Variants in VPS4A observed in about 807,000 individuals in gnomAD.
The protein encoded by VPS4A is vacuolar protein sorting-associated protein 4A.
VPS4A carries 20 observed loss-of-function variants against 52.3 expected under a neutral mutation model. That is an observed-to-expected ratio of 0.38 (90% CI 0.27 to 0.56). The LOEUF is 0.56. VPS4A is among the 20% of genes least tolerant of loss of function. The probability of loss-of-function intolerance (pLI) is 0.72; values close to 1 mark genes in which losing one functional copy is unlikely to be tolerated. For synonymous variants in VPS4A, 293 were observed against 227.7 expected (o/e 1.29, Z -2.58); for missense variants, 419 against 575.9 (o/e 0.73, Z 2.79).
chr16:69,319,062 C>T, intron 5 of VPS4A, 120 bp downstream of exon 5: 2 of 1,422,976 alleles, frequency 1.4e-6, no homozygotes, highest in South Asian at 2.7e-5. Flanking sequence ...AGGGCCAGGC[C>T]TGGCTGCTCG....
rs139537683 is a variant in VPS4A, at chr16:69,316,544, C to T, written c.281+172C>T. 3.9e-5 allele frequency among the ~76,000 whole-genome samples: 6 copies of T among 152,228 alleles called. No individual in the cohort carries two copies. The East Asian group carries it at 9.7e-4, about 25-fold the overall frequency. Reference sequence around the variant, plus strand: ...TGGCCTGGAGCACTTCCATGTTCACCGTCTCATTGGATCTGACCCACAAGC... The same window carrying T: ...TGGCCTGGAGCACTTCCATGTTCACTGTCTCATTGGATCTGACCCACAAGC... On this transcript the variant is annotated intron_variant, in intron 3 of 10. Transcript: ENST00000254950.
At chr16:69,318,187 G>C (rs1965462541) in intron 3 of VPS4A, among the ~76,000 whole-genome samples, 1 of 152,090 alleles carries the variant, frequency 6.6e-6, no homozygotes, top group East Asian at 1.9e-4. Context: ...TTCCCAGGCT[G>C]GTCTCAAACT....
intron 1 of VPS4A, among the ~76,000 whole-genome samples, chr16:69,311,884 T>C (rs1049080276): frequency 6.6e-6 from 1 of 151,934 alleles, no homozygotes; most frequent in Non-Finnish European, 1.5e-5. Flanking sequence ...CGATGCTCGC[T>C]CCCTCCTCTC....
At chr16:69,315,300 A>C (rs948758447) in intron 1 of VPS4A, among the ~76,000 whole-genome samples, 1 of 152,218 alleles carries the variant, frequency 6.6e-6, no homozygotes, top group African/African-American at 2.4e-5. Flanking sequence ...TCATTCTCAC[A>C]GAGCTCTTAG....
chr16:69,323,499 T>G, intron 10 of VPS4A: 2 of 365,096 alleles, frequency 5.5e-6, no homozygotes, highest in Admixed American at 3.5e-5. Context: ...CCAGATAATA[T>G]GACGTCAATC....
chr16:69,322,447 C>A, intron 9 of VPS4A, 113 bp from the exon 10 acceptor site: 1 of 1,232,382 alleles, frequency 8.1e-7, no homozygotes, highest in Non-Finnish European at 1.1e-6. Flanking sequence ...CCGTCCTCCT[C>A]AGATGCTAGG....
chr16:69,317,665 C>A (rs1385702305), intron 3 of VPS4A, among the ~76,000 whole-genome samples: 1 of 152,116 alleles, frequency 6.6e-6, no homozygotes, highest in Non-Finnish European at 1.5e-5. Context: ...TGGTGGCGGG[C>A]ACCTGTAGTC....
At chr16:69,322,497 G>T (rs1035317197) in intron 9 of VPS4A, 63 bp from the exon 10 acceptor site, 1 of 1,518,824 alleles carries the variant, frequency 6.6e-7, no homozygotes, top group East Asian at 2.3e-5. Context: ...CTTAGAGACC[G>T]GAGGGGTCGA....
chr16:69,317,096 G>A (rs1036374974), intron 3 of VPS4A, among the ~76,000 whole-genome samples: 2 of 152,156 alleles, frequency 1.3e-5, no homozygotes, highest in Non-Finnish European at 2.9e-5. Context: ...CAGAGGCGAG[G>A]CCTCCTCCTG....
chr16:69,315,366 T>C (rs1478117169), intron 1 of VPS4A, among the ~76,000 whole-genome samples: 1 of 152,216 alleles, frequency 6.6e-6, no homozygotes, highest in Non-Finnish European at 1.5e-5. Flanking sequence ...AAGCAAGTAC[T>C]TTTCTTACTG....
intron 3 of VPS4A, 67 bp from the exon 4 acceptor site, chr16:69,318,583 C>A: frequency 6.5e-7 from 1 of 1,540,522 alleles, no homozygotes; most frequent in South Asian, 1.2e-5. Flanking sequence ...GGAGCCTGGA[C>A]TTGCTGGGAG....
At position 69,320,658 on chromosome 16, in the gene VPS4A, G is replaced by A; in HGVS notation, c.770-30G>A. On this transcript the variant is annotated intron_variant, in intron 7 of 10. Coordinates refer to ENST00000254950, the MANE Select transcript of VPS4A (RefSeq NM_013245.3). The surrounding 1 kb of genome is among the most constrained non-coding windows in gnomAD (Gnocchi z 4.2). ...CAACTGACCCGTGCAGGTGTCCAGA[G>A]TCTGAGTCTTTGTCTCCCTTTCTCC... 2 of 1,571,460 alleles carry A rather than the reference G, an allele frequency of 1.3e-6. No individual in the cohort carries two copies. The highest frequency in any genetic ancestry group is 1.7e-6 in the Non-Finnish European group (2 of 1,156,656).
chr16:69,316,808 CAA>C (rs913861816), intron 3 of VPS4A, among the ~76,000 whole-genome samples: 3 of 152,172 alleles, frequency 2.0e-5, no homozygotes, highest in Non-Finnish European at 2.9e-5. Context: ...CTGTGACTGT[CAA>C]AGAGTCACCT....
chr16:69,323,767 T>C (rs914201922), intron 10 of VPS4A: 11 of 420,548 alleles, frequency 2.6e-5, no homozygotes, highest in Admixed American at 1.9e-4. Context: ...CTGGCCAACA[T>C]AGTGAAACCC....
At chr16:69,311,921 C>T (rs1597209944) in intron 1 of VPS4A, among the ~76,000 whole-genome samples, 1 of 151,820 alleles carries the variant, frequency 6.6e-6, no homozygotes, top group Admixed American at 6.5e-5. Flanking sequence ...TCTCCTGTCC[C>T]GGGTCCTGGA....
In VPS4A at chr16:69,326,140, A is replaced by T. The variant is rs1256845928; in HGVS notation, c.*1831A>T. 2.0e-5 allele frequency: 3 copies of T among 152,352 alleles called. No homozygotes were observed. The highest frequency in any genetic ancestry group is 7.2e-5 in the African/African-American group (3 of 41,468). The allele number at this position is 152,352 out of a possible 1,614,324, so 9.4% of individuals were successfully genotyped here. On this transcript the variant is annotated 3_prime_UTR_variant, in exon 11 of 11. Transcript: ENST00000254950. The stretch of plus-strand genomic sequence containing the variant: ...TTCCAACCTTCCCTCTCCAAAACCC[A>T]GTACTGCTCCTCTACCTTTCAAACC...
chr16:69,322,290 C>G (rs1010891969), intron 9 of VPS4A: 6 of 312,816 alleles, frequency 1.9e-5, no homozygotes, highest in Non-Finnish European at 3.5e-5. Context: ...CACAGCTAAA[C>G]CATATCACAC....
intron 9 of VPS4A, chr16:69,322,065 C>A (rs966927973): frequency 1.1e-4 from 17 of 161,660 alleles, no homozygotes; most frequent in South Asian, 5.2e-4. Context: ...GGTAGGAGAC[C>A]AAAGGCACTT....
In VPS4A at chr16:69,320,519, C is replaced by A; in HGVS notation, c.770-169C>A. 1 of 806,734 alleles carries A rather than the reference C, an allele frequency of 1.2e-6. No homozygotes were observed. Among genetic ancestry groups the A allele is most frequent in the Non-Finnish European group, 1.9e-6 (1 of 513,634 alleles). The allele number at this position is 806,734 out of a possible 1,614,324, so 50.0% of individuals were successfully genotyped here. On this transcript the variant is annotated intron_variant, in intron 7 of 10. Coordinates refer to ENST00000254950, the MANE Select transcript of VPS4A (RefSeq NM_013245.3). This position sits in a 1 kb window ranked among gnomAD's most constrained non-coding sequence, Gnocchi z 4.2. Reference sequence around the variant, plus strand: ...AGGCAGTGCCATAGGTCTCACCTGGCACAGCCAGACCAAGATGTGGTTTAA... The same window carrying A: ...AGGCAGTGCCATAGGTCTCACCTGGAACAGCCAGACCAAGATGTGGTTTAA...
Sources: gnomAD v4.1 joint callset for allele counts (sites outside exome capture counted in the v4.1 genomes callset) on GRCh38, gnomAD v4.1.1 for gene constraint, Gnocchi (gnomAD v3.1) non-coding constraint, MANE v1.5 for transcripts, NCBI Gene and HGNC (gene_info 2026-07-23, HGNC 2026-07-21) for gene names.